The following MAP2 variants were observed in gnomAD, a reference collection of about 807,000 sequenced individuals.
MAP2 encodes the protein microtubule-associated protein 2.
A neutral mutation model predicts 137.6 loss-of-function variants in MAP2; 14 were observed. The observed-to-expected ratio is 0.10, with a 90% CI of 0.07 to 0.16. The LOEUF (loss-of-function observed/expected upper bound fraction) is 0.16. MAP2 is among the 10% of genes least tolerant of loss of function. The pLI is 1.00. For missense variants in MAP2, 2,088 were observed against 2,191.5 expected (o/e 0.95, Z 0.94); for synonymous variants, 786 against 782.3 (o/e 1.00, Z -0.08).
At chr2:209,479,796 T>C (rs899632495) in intron 1 of MAP2, among the ~76,000 whole-genome samples, 1 of 152,134 alleles carries the variant, frequency 6.6e-6, no homozygotes, top group African/African-American at 2.4e-5. Context: ...TTAAATTACA[T>C]TTTAAAAGAC....
At chr2:209,578,048 G>T (rs1049858318) in intron 2 of MAP2, among the ~76,000 whole-genome samples, 1 of 152,188 alleles carries the variant, frequency 6.6e-6, no homozygotes, top group Non-Finnish European at 1.5e-5. Context: ...AATCTGTATT[G>T]CTTGCAAACA....
chr2:209,694,938 G>T lies in MAP2; in HGVS notation c.2768G>T (p.Gly923Val). ...SLIEVKLAAAGRVKDEFSVDK... is the reference protein window; with the variant it reads ...SLIEVKLAAAVRVKDEFSVDK... ...ATTGAAGTGAAACTGGCAGCAGCCG[G>T]AAGAGTCAAAGATGAGTTCAGTGTT... Residue 923 changes from glycine to valine, a missense_variant, in exon 8 of 16, where the codon GGA becomes GTA. Gly to Val is a moderately radical substitution (Grantham distance 109). Around this residue, in one of 6 missense-constraint regions of MAP2, gnomAD observed 500 missense variants for 482.9 expected, o/e 1.04. Transcript: ENST00000682079. 1.2e-6 allele frequency: 2 copies of T among 1,614,164 alleles called. No homozygotes were observed. Among genetic ancestry groups the T allele is most frequent in the South Asian group, 2.2e-5 (2 of 91,076 alleles).
chr2:209,730,482 C>A lies in MAP2; in HGVS notation c.*85C>A. 2 of 862,828 alleles carry A rather than the reference C, an allele frequency of 2.3e-6. No homozygotes were observed. The highest frequency in any genetic ancestry group is 3.7e-6 in the Non-Finnish European group (2 of 547,186). The allele number at this position is 862,828 out of a possible 1,614,324, so 53.4% of individuals were successfully genotyped here. ...GCTCTGAGCAGTTGTTATATTCATT[C>A]TTTATAAACCATAAAATAAATAATC... On this transcript the variant is annotated 3_prime_UTR_variant, in exon 16 of 16. Transcript: ENST00000682079.
chr2:209,535,862 A>G (rs554525251), intron 2 of MAP2, among the ~76,000 whole-genome samples: 2 of 152,320 alleles, frequency 1.3e-5, no homozygotes, highest in Admixed American at 6.5e-5. Context: ...GTCTTCTCCT[A>G]TAAGCTGACC....
chr2:209,563,928 G>A (rs1351691208), intron 2 of MAP2, among the ~76,000 whole-genome samples: 1 of 152,130 alleles, frequency 6.6e-6, no homozygotes, highest in Non-Finnish European at 1.5e-5. Flanking sequence ...GAATGCTGAA[G>A]GTAACTTTCT....
intron 1 of MAP2, among the ~76,000 whole-genome samples, chr2:209,505,464 C>A (rs1364201102): frequency 1.3e-5 from 2 of 152,016 alleles, no homozygotes; most frequent in Non-Finnish European, 1.5e-5. Context: ...TTTATGGAAA[C>A]AAGGTTTTTG....
chr2:209,598,521 A>T (rs1304146694), intron 3 of MAP2, among the ~76,000 whole-genome samples: 15 of 150,652 alleles, frequency 1.0e-4, no homozygotes, highest in Non-Finnish European at 2.2e-4. Context: ...ATATGTATAC[A>T]TGTGCCATGC....
chr2:209,593,634 A>AAAAAT (rs1286103137), intron 3 of MAP2, among the ~76,000 whole-genome samples: 10 of 33,636 alleles, frequency 3.0e-4, no homozygotes, highest in South Asian at 1.3e-3. Flanking sequence ...AAAAAAAAAA[A>AAAAAT]ATATATATAT....
At position 209,705,641 on chromosome 2, in the gene MAP2, C is replaced by G; in HGVS notation, c.4646C>G (p.Pro1549Arg). 6.2e-7 allele frequency: 1 copy of G among 1,613,312 alleles called. No homozygotes were observed. The highest frequency in any genetic ancestry group is 1.7e-4 in the Middle Eastern group (1 of 6,050). ...CTCCCAAGACCTTCCTCCATTCTCC[C>G]TCCTCGGCGAGGTGTGTCAGGAGAC... ...SSLPRPSSIL[P>R]PRRGVSGDRD... The change falls in exon 12 of 16, where the codon CCT (proline) becomes CGT (arginine). Residue 1549 changes from proline to arginine, a missense_variant. Pro to Arg is a moderately radical substitution (Grantham distance 103). This residue lies in a region of MAP2 where 591 missense variants were observed against 642.6 expected (regional missense o/e 0.92). Coordinates refer to ENST00000682079, the MANE Select transcript of MAP2 (RefSeq NM_001375505.1).
intron 1 of MAP2, among the ~76,000 whole-genome samples, chr2:209,484,816 T>G (rs1208925020): frequency 6.6e-6 from 1 of 152,232 alleles, no homozygotes; most frequent in Non-Finnish European, 1.5e-5. Flanking sequence ...CTTCTTGATT[T>G]GAGACTGGCT....
chr2:209,580,217 A>C (rs530105557), intron 3 of MAP2, 117 bp downstream of exon 3: 3 of 152,194 alleles, frequency 2.0e-5, no homozygotes, highest in Non-Finnish European at 2.9e-5. Flanking sequence ...TAAGTTGATC[A>C]TTGTCTATTG....
chr2:209,710,466 G>T, intron 13 of MAP2: 6 of 494,674 alleles, frequency 1.2e-5, no homozygotes, highest in South Asian at 3.5e-5. Flanking sequence ...TTTGTTACTG[G>T]GTAAAAATTT....
chr2:209,547,130 C>T (rs1189509939), intron 2 of MAP2, among the ~76,000 whole-genome samples: 6 of 151,930 alleles, frequency 3.9e-5, no homozygotes, highest in Admixed American at 3.3e-4. Context: ...GGCATTGATG[C>T]GTCCCCTAAA....
chr2:209,475,789 A>G (rs1169158954), intron 1 of MAP2, among the ~76,000 whole-genome samples: 1 of 152,180 alleles, frequency 6.6e-6, no homozygotes, highest in Non-Finnish European at 1.5e-5. Flanking sequence ...ACTTGTATGG[A>G]ATATATTTAT....
At chr2:209,444,856 A>G (rs1335213973) in intron 1 of MAP2, among the ~76,000 whole-genome samples, 1 of 151,476 alleles carries the variant, frequency 6.6e-6, no homozygotes, top group Non-Finnish European at 1.5e-5. Context: ...TTAAAATTTT[A>G]AAGTACTTTA....
chr2:209,526,616 A>G (rs886094536), intron 2 of MAP2, among the ~76,000 whole-genome samples: 6 of 149,118 alleles, frequency 4.0e-5, no homozygotes, highest in African/African-American at 1.5e-4. Flanking sequence ...CCCTGGGGCA[A>G]ATCTTTCCTT....
intron 1 of MAP2, among the ~76,000 whole-genome samples, chr2:209,496,314 G>A (rs1339942935): frequency 6.6e-6 from 1 of 152,084 alleles, no homozygotes; most frequent in Non-Finnish European, 1.5e-5. Context: ...CATTCATTAA[G>A]AACAATATGG....
At chr2:209,528,856 G>GTA (rs574399287) in intron 2 of MAP2, among the ~76,000 whole-genome samples, 8 of 139,702 alleles carry the variant, frequency 5.7e-5, no homozygotes, top group African/African-American at 1.3e-4. Context: ...ATGTGTGTGT[G>GTA]TATATGTGTG....
chr2:209,704,077 GTTCCCAATAGGAAC>G (rs889539134), intron 11 of MAP2: 43 of 453,322 alleles, frequency 9.5e-5, no homozygotes, highest in African/African-American at 7.8e-4. Flanking sequence ...AGTGAACATA[GTTCCCAATAGGAAC>G]TTCCCAATAG....
Sources: allele counts gnomAD v4.1 joint callset (sites outside exome capture counted in the v4.1 genomes callset), GRCh38; gene constraint gnomAD v4.1.1; regional missense constraint gnomAD v4.1.1; transcripts MANE v1.5; gene names NCBI Gene and HGNC (gene_info 2026-07-23, HGNC 2026-07-21).